The following SLC44A5 variants were observed in gnomAD, a reference collection of about 807,000 sequenced individuals.
SLC44A5 encodes the protein solute carrier family 44 member 5, also known as choline transporter-like protein 5.
Under a neutral mutation model 101.8 loss-of-function variants are expected in SLC44A5, and 57 were observed. The ratio of observed to expected loss-of-function variants is 0.56; its 90% CI spans 0.45 to 0.70. The LOEUF (loss-of-function observed/expected upper bound fraction) is 0.70. SLC44A5 is among the 30% of genes least tolerant of loss of function. The probability of loss-of-function intolerance (pLI) is 0.00; values close to 1 mark genes in which losing one functional copy is unlikely to be tolerated. For synonymous variants in SLC44A5, 281 were observed against 290.9 expected (o/e 0.97, Z 0.35); for missense variants, 737 against 853.1 (o/e 0.86, Z 1.70).
At chr1:75,679,142 T>C in the SLC44A5 span, among the ~76,000 whole-genome samples, 5 of 152,310 alleles carry the variant, frequency 3.3e-5, no homozygotes, top group East Asian at 9.6e-4. Flanking sequence ...CTGATTGGTG[T>C]ACCTGAAAGT....
Position 75,516,516 on chromosome 1 carries a change from T to C in SLC44A5, c.13+24919A>G, listed in dbSNP as rs879325406. Among the ~76,000 whole-genome samples the C allele has an allele frequency of 9.9e-5, 15 of 152,088 alleles. 1 individual carries two copies. The highest frequency in any genetic ancestry group is 7.8e-4 in the Admixed American group (12 of 15,288). ...TGGGGGACAGAGCAAGATTCCGTCT[T>C]ACTAAAAAAAATTAAAAATAAAAAA... On this transcript the variant is annotated intron_variant, in intron 2 of 23. Coordinates refer to ENST00000370859, the MANE Select transcript of SLC44A5 (RefSeq NM_001130058.2).
intron 3 of SLC44A5, among the ~76,000 whole-genome samples, chr1:75,378,729 C>T (rs1660776492): frequency 1.3e-5 from 1 of 78,462 alleles, no homozygotes; most frequent in Non-Finnish European, 2.1e-5. Context: ...GAGTCTAAAC[C>T]ACGAGGCACA....
rs1341636239 is a variant in SLC44A5 at position 75,242,022 on chromosome 1, CT to C, written c.510del (p.Ala171ArgfsTer23). 6.2e-7 allele frequency: 1 copy of C among 1,612,204 alleles called. No homozygotes were observed. Among genetic ancestry groups the C allele is most frequent in the Non-Finnish European group, 8.5e-7 (1 of 1,178,894 alleles). ...TQLLLDDDCP[T>X]AIFPSKPFLQ... ...TTACAAGGTTTGCTGGGAAAAATCG[CT>C]GTTGGACAATCATCATCCAGTAAAA... On this transcript the variant is annotated frameshift_variant, in exon 9 of 24. Coordinates refer to ENST00000370859, the MANE Select transcript of SLC44A5 (RefSeq NM_001130058.2). LOFTEE classifies it high-confidence loss of function.
intron 3 of SLC44A5, among the ~76,000 whole-genome samples, chr1:75,363,905 GTTCCTCA>G (rs1569983839): frequency 6.6e-6 from 1 of 152,238 alleles, no homozygotes; most frequent in East Asian, 1.9e-4. Flanking sequence ...AAGGTTTTGT[GTTCCTCA>G]TTCCTGAAGG....
At chr1:75,421,911 G>A (rs1017455376) in intron 2 of SLC44A5, among the ~76,000 whole-genome samples, 5 of 151,868 alleles carry the variant, frequency 3.3e-5, no homozygotes, top group Non-Finnish European at 5.9e-5. Flanking sequence ...TGTTTGAAGT[G>A]TGGTCCATAT....
chr1:75,523,017 T>C (rs1670221920), intron 2 of SLC44A5, among the ~76,000 whole-genome samples: 1 of 152,168 alleles, frequency 6.6e-6, no homozygotes, highest in African/African-American at 2.4e-5. Flanking sequence ...AATGAATGCA[T>C]ATTTAGCACC....
chr1:75,262,031 A>G (rs1044735252), intron 6 of SLC44A5, among the ~76,000 whole-genome samples: 3 of 151,670 alleles, frequency 2.0e-5, no homozygotes, highest in African/African-American at 4.9e-5. Context: ...CACAGCCAGT[A>G]TCATACTGAA....
chr1:75,248,048 A>C (rs1292357665), intron 7 of SLC44A5, among the ~76,000 whole-genome samples: 1 of 152,134 alleles, frequency 6.6e-6, no homozygotes, highest in Non-Finnish European at 1.5e-5. Context: ...GTCCTTAAGC[A>C]ATTTGTCTTC....
chr1:75,203,942 T>TGTC (rs1553138907), intron 23 of SLC44A5, 109 bp from the exon 24 acceptor site: 1 of 1,302,714 alleles, frequency 7.7e-7, no homozygotes, highest in Non-Finnish European at 1.0e-6. Flanking sequence ...CTTTTGTTGT[T>TGTC]TTTTTTTTGT....
the SLC44A5 span, among the ~76,000 whole-genome samples, chr1:75,632,381 CT>C: frequency 0.19 from 28,548 of 147,228 alleles, 3,413 homozygotes; most frequent in African/African-American, 0.34. Flanking sequence ...GGAGCTACTT[CT>C]TTTTTTTTTT....
intron 4 of SLC44A5, among the ~76,000 whole-genome samples, chr1:75,307,784 G>C (rs1001082146): frequency 1.3e-5 from 2 of 152,140 alleles, no homozygotes; most frequent in African/African-American, 4.8e-5. Context: ...TTGAGGTTAT[G>C]CCGCACACCA....
intron 5 of SLC44A5, among the ~76,000 whole-genome samples, chr1:75,300,356 CCACAA>C: frequency 6.6e-6 from 1 of 152,174 alleles, no homozygotes; most frequent in East Asian, 1.9e-4. Context: ...TAAAAAGAAA[CCACAA>C]ACTTTTCTCT....
At chr1:75,540,427 T>A (rs1671297966) in intron 2 of SLC44A5, among the ~76,000 whole-genome samples, 1 of 152,232 alleles carries the variant, frequency 6.6e-6, no homozygotes, top group Non-Finnish European at 1.5e-5. Context: ...GCAGAGGCTC[T>A]GGACACAGAA....
chr1:75,266,934 A>C (rs527699715), intron 6 of SLC44A5, among the ~76,000 whole-genome samples: 1 of 152,318 alleles, frequency 6.6e-6, no homozygotes, highest in East Asian at 1.9e-4. Flanking sequence ...TAGGAAGAGG[A>C]ATGGTGACGG....
chr1:75,692,256 C>T, the SLC44A5 span, among the ~76,000 whole-genome samples: 6 of 137,278 alleles, frequency 4.4e-5, no homozygotes, highest in East Asian at 2.1e-4. Flanking sequence ...TGCAGTGGCA[C>T]GAACTTGGCT....
chr1:75,303,230 T>G (rs1016695461), intron 4 of SLC44A5, among the ~76,000 whole-genome samples: 5 of 151,622 alleles, frequency 3.3e-5, no homozygotes, highest in African/African-American at 1.2e-4. Flanking sequence ...AAATGGAAGG[T>G]TTTTGTTTGT....
At chr1:75,367,215 T>C (rs1256988419) in intron 3 of SLC44A5, among the ~76,000 whole-genome samples, 1 of 152,176 alleles carries the variant, frequency 6.6e-6, no homozygotes. Flanking sequence ...CCCAGGATAA[T>C]GGGATTGCCT....
intron 4 of SLC44A5, among the ~76,000 whole-genome samples, chr1:75,325,765 TG>T: frequency 6.6e-6 from 1 of 151,156 alleles, no homozygotes; most frequent in East Asian, 1.9e-4. Flanking sequence ...CATGCGTGTG[TG>T]TGTGTGTGTG....
At chr1:75,502,531 T>A (rs988839621) in intron 2 of SLC44A5, among the ~76,000 whole-genome samples, 4 of 151,550 alleles carry the variant, frequency 2.6e-5, no homozygotes, top group Non-Finnish European at 5.9e-5. Flanking sequence ...TATTTCAAGA[T>A]CTCTACTTTC....
Sources: allele counts gnomAD v4.1 joint callset (sites outside exome capture counted in the v4.1 genomes callset), GRCh38; gene constraint gnomAD v4.1.1; transcripts MANE v1.5; gene names NCBI Gene and HGNC (gene_info 2026-07-23, HGNC 2026-07-21).